Variants in AFAP1L2 observed in about 807,000 individuals in gnomAD.
AFAP1L2 encodes actin filament-associated protein 1-like 2.
Under a neutral mutation model 99.3 loss-of-function variants are expected in AFAP1L2, and 46 were observed. The ratio of observed to expected loss-of-function variants is 0.46; its 90% CI spans 0.37 to 0.59. AFAP1L2 has a LOEUF of 0.59. AFAP1L2 is among the 20% of genes least tolerant of loss of function. The pLI is 0.00. For synonymous variants in AFAP1L2, 397 were observed against 419.1 expected, an observed-to-expected ratio of 0.95 and a Z score of 0.64; for missense variants, 959 against 1,034.9, an observed-to-expected ratio of 0.93 and a Z score of 1.01.
intron 1 of AFAP1L2, among the ~76,000 whole-genome samples, chr10:114,395,989 G>C (rs1382114923): frequency 6.6e-6 from 1 of 152,182 alleles, no homozygotes; most frequent in Non-Finnish European, 1.5e-5. Flanking sequence ...AAGACAATTA[G>C]AACTAAGGAT....
Position 114,302,376 on chromosome 10 carries a change from C to T in AFAP1L2, c.1393G>A (p.Val465Ile). ...TTGGCCGCACTCACAATACAGGAGA[C>T]CCTATCGGCATCCACATAGTCGTAG... is the stretch of plus-strand genomic sequence containing the variant. ...FTYDYVDADR[V>I]SCIVSAAKNS... Residue 465 changes from valine to isoleucine, a missense_variant, in exon 12 of 19, where the codon GTC (valine) becomes ATC (isoleucine). Transcript: ENST00000304129. 1 of 1,614,146 alleles carries T rather than the reference C, an allele frequency of 6.2e-7. No homozygotes were observed. The highest frequency in any genetic ancestry group is 1.1e-5 in the South Asian group (1 of 91,090).
chr10:114,371,853 A>AT (rs60322747), intron 1 of AFAP1L2, among the ~76,000 whole-genome samples: 118,293 of 139,428 alleles, frequency 0.85, 50,588 homozygotes, highest in East Asian at 1. Flanking sequence ...CAAAAGGAAG[A>AT]TTTTTTTGGG....
At chr10:114,337,173 G>A (rs2048107606) in intron 2 of AFAP1L2, among the ~76,000 whole-genome samples, 1 of 152,258 alleles carries the variant, frequency 6.6e-6, no homozygotes, top group Non-Finnish European at 1.5e-5. Flanking sequence ...CAATGGAGCA[G>A]GGGGAGATAA....
intron 1 of AFAP1L2, among the ~76,000 whole-genome samples, chr10:114,350,512 C>CTGTGTCTGTCTATCTAA (rs2050303388): frequency 6.6e-6 from 1 of 152,182 alleles, no homozygotes; most frequent in African/African-American, 2.4e-5. Context: ...GATAGACAGA[C>CTGTGTCTGTCTATCTAA]ACATACTACC....
In AFAP1L2 at chr10:114,297,225, G is replaced by A. The variant is rs771007604; in HGVS notation, c.2302C>T (p.Pro768Ser). 9.3e-6 allele frequency: 15 copies of A among 1,613,734 alleles called. No individual in the cohort carries two copies. The highest frequency in any genetic ancestry group is 1.3e-5 in the Non-Finnish European group (15 of 1,179,870). Residue 768 changes from proline (P) to serine (S), a missense_variant, in exon 17 of 19, where the codon CCC becomes TCC. Transcript: ENST00000304129. ...VDTTHLENVS[P>S]RPKAVTPASA... Reference sequence around the variant, plus strand: ...GCCGCAGTTCCAGCACTCACGCGGGGGCTCACATTCTCCAGGTGGGTGGTG... The same window carrying A: ...GCCGCAGTTCCAGCACTCACGCGGGAGCTCACATTCTCCAGGTGGGTGGTG...
chr10:114,360,674 C>T (rs1345976807), intron 1 of AFAP1L2, among the ~76,000 whole-genome samples: 1 of 152,236 alleles, frequency 6.6e-6, no homozygotes, highest in African/African-American at 2.4e-5. Context: ...ATTTGAAATA[C>T]ATTTTTTAAA....
At chr10:114,355,559 AAGTTTTGCTG>A (rs1050199168) in intron 1 of AFAP1L2, among the ~76,000 whole-genome samples, 3 of 152,168 alleles carry the variant, frequency 2.0e-5, no homozygotes, top group South Asian at 2.1e-4. Context: ...AAAAAAAAAA[AAGTTTTGCTG>A]AGTTTTGCTG....
chr10:114,367,106 A>C (rs901953035), intron 1 of AFAP1L2, among the ~76,000 whole-genome samples: 2 of 152,242 alleles, frequency 1.3e-5, no homozygotes, highest in African/African-American at 4.8e-5. Flanking sequence ...ACAAGGCCCC[A>C]AATGTGTGGG....
In AFAP1L2 at chr10:114,304,935, A is replaced by T; in HGVS notation, c.1073-5T>A. ...TCACCAGCACGTTCAGGTAACCTGC[A>T]GGAGGAAGTGCAGATGCAGGAGGGG... On this transcript the variant is annotated splice_region_variant and splice_polypyrimidine_tract_variant and intron_variant, in intron 10 of 18. Transcript: ENST00000304129. 6.6e-7 allele frequency: 1 copy of T among 1,517,564 alleles called. No homozygotes were observed. The highest frequency in any genetic ancestry group is 8.9e-7 in the Non-Finnish European group (1 of 1,118,466). The allele number at this position is 1,517,564 out of a possible 1,614,324, so 94.0% of individuals were successfully genotyped here.
downstream of AFAP1L2, chr10:114,291,613 C>A: frequency 4.6e-6 from 1 of 216,104 alleles, no homozygotes; most frequent in Non-Finnish European, 9.3e-6. Flanking sequence ...CGTTCCTTTG[C>A]ACACAATCAA....
At chr10:114,346,015 G>C (rs1386539368) in intron 1 of AFAP1L2, among the ~76,000 whole-genome samples, 1 of 152,226 alleles carries the variant, frequency 6.6e-6, no homozygotes, top group Non-Finnish European at 1.5e-5. Context: ...CGGGGAGCGG[G>C]TGGGCCAGCC....
the AFAP1L2 span, chr10:114,286,158 T>C: frequency 5.0e-5 from 80 of 1,613,952 alleles, no homozygotes; most frequent in Non-Finnish European, 4.7e-5. Flanking sequence ...GTGCCTGACC[T>C]GGTCTGGAGC....
At chr10:114,332,400 G>T (rs1016010050) in intron 3 of AFAP1L2, among the ~76,000 whole-genome samples, 1 of 152,226 alleles carries the variant, frequency 6.6e-6, no homozygotes, top group African/African-American at 2.4e-5. Context: ...GCACTTGGAA[G>T]GAAAGGTGCC....
chr10:114,307,866 C>A lies in AFAP1L2; in HGVS notation c.1011G>T (p.Met337Ile). ...CSAGLKLSNL[M>I]NLGRKKSTSL... is the part of the protein sequence containing the mutation. ...AGGTGGATTTCTTCCTGCCCAGATT[C>A]ATTAGGTTGCTCAGTTTGAGGCCAG... is the stretch of plus-strand genomic sequence containing the variant. The change falls in exon 10 of 19, where the codon ATG becomes ATT. Residue 337 changes from methionine (M) to isoleucine (I), a missense_variant. Met to Ile is a conservative substitution (Grantham distance 10, BLOSUM62 1). Around this residue, in one of 2 missense-constraint regions of AFAP1L2, gnomAD observed 383 missense variants for 472.8 expected, o/e 0.81. Transcript: ENST00000304129. 6.2e-7 allele frequency: 1 copy of A among 1,614,172 alleles called. No individual in the cohort carries two copies. Among genetic ancestry groups the A allele is most frequent in the East Asian group, 2.2e-5 (1 of 44,862 alleles).
At chr10:114,342,069 G>A (rs2048901933) in intron 1 of AFAP1L2, among the ~76,000 whole-genome samples, 2 of 152,180 alleles carry the variant, frequency 1.3e-5, no homozygotes, top group Non-Finnish European at 2.9e-5. Context: ...GGTTTTCTAC[G>A]CTGGCATACT....
rs759642896 is a variant in AFAP1L2 at position 114,310,461 on chromosome 10, C to A, written c.793-18G>T. On this transcript the variant is annotated intron_variant, in intron 7 of 18. Coordinates refer to ENST00000304129, the MANE Select transcript of AFAP1L2 (RefSeq NM_001001936.3). Reference sequence around the variant, plus strand: ...TGGATGACCTGAGGCAAGAGGGAAGCCGTCAGCAGAGGCTGAGGTCCTCTG... The same window carrying A: ...TGGATGACCTGAGGCAAGAGGGAAGACGTCAGCAGAGGCTGAGGTCCTCTG... The A allele has an allele frequency of 2.9e-5, 46 of 1,609,706 alleles. No individual in the cohort carries two copies. Among genetic ancestry groups the A allele is most frequent in the Non-Finnish European group, 3.8e-5 (45 of 1,178,068 alleles).
At chr10:114,335,428 T>C (rs7917053) in intron 2 of AFAP1L2, among the ~76,000 whole-genome samples, 3,479 of 151,794 alleles carry the variant, frequency 0.023, 112 homozygotes, top group African/African-American at 0.074. Context: ...CTGGCTAACA[T>C]GGTGAAACCC....
At chr10:114,291,778 G>C (rs1315723487), downstream of AFAP1L2, among the ~76,000 whole-genome samples, 2 of 152,214 alleles carry the variant, frequency 1.3e-5, no homozygotes, top group African/African-American at 4.8e-5. Flanking sequence ...GAGTCTGAAA[G>C]GGGGCTTGAG....
At position 114,329,096 on chromosome 10, in the gene AFAP1L2, G is replaced by T. The variant is rs141754700; in HGVS notation, c.315+2707C>A. ...CAGGCAGTTACCACTTGGCTGAAAGGCCTCCTTGGGATCGTGCCATTCCTG... is the reference window on the plus strand; with the variant it reads ...CAGGCAGTTACCACTTGGCTGAAAGTCCTCCTTGGGATCGTGCCATTCCTG... On this transcript the variant is annotated intron_variant, in intron 4 of 18. Transcript: ENST00000304129. Among the ~76,000 whole-genome samples the T allele has an allele frequency of 6.2e-3, 937 of 152,276 alleles. 12 individuals carry two copies. Among genetic ancestry groups the T allele is most frequent in the African/African-American group, 0.022 (900 of 41,538 alleles).
Sources: gnomAD v4.1 joint callset for allele counts (sites outside exome capture counted in the v4.1 genomes callset) on GRCh38, gnomAD v4.1.1 for gene constraint, gnomAD v4.1.1 regional missense constraint, MANE v1.5 for transcripts, NCBI Gene and HGNC (gene_info 2026-07-23, HGNC 2026-07-21) for gene names.